The following TENT5D variants were observed in gnomAD, a reference collection of about 807,000 sequenced individuals.
TENT5D encodes the protein terminal nucleotidyltransferase 5D.
For synonymous variants in TENT5D, 103 were observed against 100.6 expected, an observed-to-expected ratio of 1.02 and a Z score of -0.15; for missense variants, 191 against 287.0, an observed-to-expected ratio of 0.67 and a Z score of 2.42.
chrX:80,444,788 A>C (rs1260839230), exon 3 of TENT5D: 1 of 122,913 alleles, frequency 8.1e-6, no homozygotes, highest in East Asian at 2.8e-4. Flanking sequence ...CAACAACTGT[A>C]TACCTTTACA....
chrX:80,384,984 T>C (rs765328968), intron 3 of TENT5D, among the ~76,000 whole-genome samples: 1 of 111,317 alleles, frequency 9.0e-6, no homozygotes, highest in South Asian at 3.8e-4. Context: ...ATTGTGAAAA[T>C]GGCCATACTG....
chrX:80,352,176 A>G (rs1262279081), intron 3 of TENT5D, among the ~76,000 whole-genome samples: 1 of 112,074 alleles, frequency 8.9e-6, no homozygotes, highest in African/African-American at 3.2e-5. Flanking sequence ...CTGGAGTGCT[A>G]TAATGGTAGA....
At chrX:80,416,083 G>A (rs773559161), upstream of TENT5D, among the ~76,000 whole-genome samples, 7 of 109,593 alleles carry the variant, frequency 6.4e-5, no homozygotes, top group Non-Finnish European at 1.3e-4. Context: ...GTGTGTAGAG[G>A]TACTCAAGGT....
intron 3 of TENT5D, among the ~76,000 whole-genome samples, chrX:80,378,111 A>C (rs148340264): frequency 0.013 from 1,488 of 111,760 alleles, 27 homozygotes; most frequent in African/African-American, 0.045. Flanking sequence ...AATTTGTTTA[A>C]GTTCTTTGTA....
At chrX:80,398,169 G>A (rs1931322495) in intron 3 of TENT5D, among the ~76,000 whole-genome samples, 1 of 112,027 alleles carries the variant, frequency 8.9e-6, no homozygotes, top group Non-Finnish European at 1.9e-5. Context: ...GTTGATCAGT[G>A]ATGTTGAACA....
At chrX:80,406,060 TAACA>T (rs1413689683) in intron 3 of TENT5D, among the ~76,000 whole-genome samples, 21 of 108,624 alleles carry the variant, frequency 1.9e-4, no homozygotes, top group African/African-American at 6.0e-4. Flanking sequence ...GAAGGAAAAC[TAACA>T]AACAGAAAGG....
At chrX:80,405,062 C>G (rs1168481595) in intron 3 of TENT5D, among the ~76,000 whole-genome samples, 1 of 111,091 alleles carries the variant, frequency 9.0e-6, no homozygotes, top group Non-Finnish European at 1.9e-5. Context: ...AAACAGAACC[C>G]GAGGGGAAAA....
chrX:80,430,251 G>C (rs1932062825), intron 1 of TENT5D, among the ~76,000 whole-genome samples: 1 of 111,658 alleles, frequency 9.0e-6, no homozygotes, highest in African/African-American at 3.3e-5. Flanking sequence ...ATTTGTTTAA[G>C]GTTCTGCAAT....
intron 3 of TENT5D, among the ~76,000 whole-genome samples, chrX:80,414,822 T>C (rs1380282737): frequency 2.7e-5 from 3 of 112,026 alleles, no homozygotes; most frequent in Non-Finnish European, 3.8e-5. Flanking sequence ...GGAAACAGGT[T>C]TGCCTTAAGC....
chrX:80,417,890 C>T (rs192421817), upstream of TENT5D, among the ~76,000 whole-genome samples: 1 of 111,471 alleles, frequency 9.0e-6, no homozygotes, highest in Non-Finnish European at 1.9e-5. Context: ...TGAACAATAT[C>T]CTGAAATAGG....
At chrX:80,417,488 C>T (rs764886844), upstream of TENT5D, among the ~76,000 whole-genome samples, 2 of 104,506 alleles carry the variant, frequency 1.9e-5, no homozygotes, top group South Asian at 4.3e-4. Context: ...AGGACCTCTT[C>T]TAAGGCAGGT....
intron 2 of TENT5D, among the ~76,000 whole-genome samples, chrX:80,337,912 A>G (rs112241725): frequency 0.13 from 14,297 of 109,738 alleles, 1,035 homozygotes; most frequent in East Asian, 0.48. Context: ...CTACAGGCCC[A>G]CGCCGCCACA....
chrX:80,420,230 C>A (rs1205940733), upstream of TENT5D, among the ~76,000 whole-genome samples: 1 of 110,241 alleles, frequency 9.1e-6, no homozygotes, highest in Non-Finnish European at 1.9e-5. Context: ...ATTTTTTTCT[C>A]CTTCCTCCCT....
intron 3 of TENT5D, among the ~76,000 whole-genome samples, chrX:80,400,252 G>A (rs1026256699): frequency 1.8e-5 from 2 of 111,761 alleles, no homozygotes; most frequent in Non-Finnish European, 3.8e-5. Context: ...ATCAAAGAGC[G>A]AACCATTTGC....
intron 3 of TENT5D, among the ~76,000 whole-genome samples, chrX:80,345,950 C>T (rs904363667): frequency 8.0e-5 from 9 of 111,892 alleles, no homozygotes; most frequent in African/African-American, 2.6e-4. Context: ...CTTTTTACGT[C>T]CTCCCTCCCC....
chrX:80,340,586 T>A (rs2147511055), intron 2 of TENT5D, among the ~76,000 whole-genome samples: 1 of 111,075 alleles, frequency 9.0e-6, no homozygotes, highest in African/African-American at 3.3e-5. Context: ...GATTTTTGAA[T>A]ATTTTTTCTA....
intron 3 of TENT5D, among the ~76,000 whole-genome samples, chrX:80,375,246 C>A (rs187067531): frequency 1.8e-5 from 2 of 111,493 alleles, no homozygotes; most frequent in Admixed American, 1.9e-4. Context: ...TGATCATACT[C>A]ATTCTCTCTG....
intron 3 of TENT5D, among the ~76,000 whole-genome samples, chrX:80,354,186 G>A (rs936678179): frequency 2.7e-5 from 3 of 111,053 alleles, no homozygotes; most frequent in African/African-American, 3.3e-5. Context: ...ATGTGTCTTG[G>A]GGACAGTCGT....
At chrX:80,361,956 GT>G (rs1930414734) in intron 3 of TENT5D, among the ~76,000 whole-genome samples, 1 of 111,076 alleles carries the variant, frequency 9.0e-6, no homozygotes, top group Non-Finnish European at 1.9e-5. Context: ...CCAATAGGAA[GT>G]TTTTTATCCC....
Sources: allele counts gnomAD v4.1 joint callset (sites outside exome capture counted in the v4.1 genomes callset), GRCh38; gene constraint gnomAD v4.1.1; transcripts MANE v1.5; gene names NCBI Gene and HGNC (gene_info 2026-07-23, HGNC 2026-07-21).